The following AGRN variants were observed in gnomAD, a reference collection of about 807,000 sequenced individuals.
AGRN encodes the protein agrin proteoglycan.
A neutral mutation model predicts 211.0 loss-of-function variants in AGRN; 106 were observed. The observed-to-expected ratio is 0.50, with a 90% CI of 0.43 to 0.59. The LOEUF is 0.59. AGRN is among the 20% of genes least tolerant of loss of function. AGRN has a pLI of 0.00. For synonymous variants in AGRN, 1,525 were observed against 1,332.5 expected (o/e 1.14, Z -3.15); for missense variants, 3,040 against 2,982.6 (o/e 1.02, Z -0.45).
Position 1,046,403 on chromosome 1 carries a change from T to C in AGRN, c.2918T>C (p.Val973Ala), listed in dbSNP as rs766363215. The C allele has an allele frequency of 6.2e-7, 1 of 1,611,720 alleles. No individual in the cohort carries two copies. Among genetic ancestry groups the C allele is most frequent in the Non-Finnish European group, 8.5e-7 (1 of 1,179,566 alleles). Residue 973 changes from valine to alanine, a missense_variant, in exon 18 of 36, where the codon GTT (valine) becomes GCT (alanine). Transcript: ENST00000379370. ...IQSLGPCQEA[V>A]APSTHPTSAS... is the part of the protein sequence containing the mutation. ...AACCTCCCTCTCCTTGCAGAGGCTG[T>C]TGCTCCCAGCACTCACCCGACATCT...
chr1:1,037,230 T>G (rs1351041164), intron 3 of AGRN, among the ~76,000 whole-genome samples: 1 of 152,152 alleles, frequency 6.6e-6, no homozygotes, highest in Admixed American at 6.5e-5. Flanking sequence ...CCAACTGGAT[T>G]TAAAGAGGTG....
chr1:1,042,825 C>G (rs1644982045), intron 7 of AGRN, among the ~76,000 whole-genome samples: 1 of 151,998 alleles, frequency 6.6e-6, no homozygotes, highest in Non-Finnish European at 1.5e-5. Flanking sequence ...GGACAGACAC[C>G]TCCTCCCCCG....
chr1:1,040,796 T>G lies in AGRN; in HGVS notation c.643T>G (p.Ser215Ala), dbSNP rs764152471. 185 of 1,537,420 alleles carry G rather than the reference T, an allele frequency of 1.2e-4. No homozygotes were observed. The highest frequency in any genetic ancestry group is 1.4e-4 in the Non-Finnish European group (159 of 1,147,292). ...VVAPVCGSDASTYSNECELQR... is the reference protein window; with the variant it reads ...VVAPVCGSDAATYSNECELQR... ...GGCGCCTGTGTGTGGGTCGGACGCC[T>G]CCACCTACAGCAACGAATGCGAGCT... Residue 215 changes from serine (S) to alanine (A), a missense_variant, in exon 4 of 36, where the codon TCC (serine) becomes GCC (alanine). Coordinates refer to ENST00000379370, the MANE Select transcript of AGRN (RefSeq NM_198576.4).
In AGRN at chr1:1,043,223, C is replaced by A; in HGVS notation, c.1385-16C>A. 7.6e-6 allele frequency: 12 copies of A among 1,588,506 alleles called. No homozygotes were observed. Among genetic ancestry groups the A allele is most frequent in the Non-Finnish European group, 1.0e-5 (12 of 1,169,354 alleles). ...GGGGGGCTTGTGGGACCACTGAGCC[C>A]CTGTGTCCTTCCCAGACCAGGCCCC... On this transcript the variant is annotated splice_polypyrimidine_tract_variant and intron_variant, in intron 7 of 35. Coordinates refer to ENST00000379370, the MANE Select transcript of AGRN (RefSeq NM_198576.4).
intron 33 of AGRN, chr1:1,052,201 C>T: frequency 1.5e-6 from 1 of 663,028 alleles, no homozygotes; most frequent in Non-Finnish European, 2.3e-6. Context: ...TCCCAGGGCA[C>T]AGGCCGAGGG....
intron 3 of AGRN, among the ~76,000 whole-genome samples, chr1:1,035,849 A>G (rs1644792252): frequency 7.0e-6 from 1 of 143,396 alleles, no homozygotes; most frequent in Admixed American, 6.9e-5. Context: ...GGGGGACACA[A>G]GTGATGGAGG....
Position 1,049,285 on chromosome 1 carries a change from G to C in AGRN, c.4348G>C (p.Glu1450Gln). The C allele has an allele frequency of 6.3e-7, 1 of 1,596,602 alleles. No homozygotes were observed. Among genetic ancestry groups the C allele is most frequent in the Non-Finnish European group, 8.5e-7 (1 of 1,178,418 alleles). The change falls in exon 25 of 36, where the codon GAG becomes CAG. Residue 1450 changes from glutamate to glutamine, a missense_variant. By Grantham distance (29) the Glu-to-Gln change is conservative. Around this residue, in one of 3 missense-constraint regions of AGRN, gnomAD observed 1,537 missense variants for 1,505.0 expected, o/e 1.02. Coordinates refer to ENST00000379370, the MANE Select transcript of AGRN (RefSeq NM_198576.4). ...GGTGCTGACCAGTGCCGTGCCGGTA[G>C]AGCCGGGCCAGTGGCACCGCCTGGA... ...PAVLTSAVPV[E>Q]PGQWHRLELS...
chr1:1,022,081 C>A, intron 1 of AGRN, 120 bp from the exon 2 acceptor site: 1 of 1,324,542 alleles, frequency 7.5e-7, no homozygotes, highest in South Asian at 1.2e-5. Flanking sequence ...CAGAGGTCTC[C>A]CCACATCTCT....
chr1:1,042,091 G>A lies in AGRN; in HGVS notation c.1313G>A (p.Ser438Asn). ...GCCCAGGACGGGCGCACGTATGACA[G>A]TGATTGCTGGCGGCAGCAGGCTGAG... is the stretch of plus-strand genomic sequence containing the variant. ...VCAQDGRTYDSDCWRQQAECR... is the reference protein window; with the variant it reads ...VCAQDGRTYDNDCWRQQAECR... The change falls in exon 7 of 36, where the codon AGT becomes AAT. Residue 438 changes from serine to asparagine, a missense_variant. By Grantham distance (46) the Ser-to-Asn change is conservative. This residue lies in a region of AGRN where 1,498 missense variants were observed against 1,457.8 expected (regional missense o/e 1.03). Coordinates refer to ENST00000379370, the MANE Select transcript of AGRN (RefSeq NM_198576.4). 2.5e-6 allele frequency: 4 copies of A among 1,604,316 alleles called. No individual in the cohort carries two copies. The highest frequency in any genetic ancestry group is 3.4e-6 in the Non-Finnish European group (4 of 1,178,866).
chr1:1,052,454 G>C (rs1229010954), intron 33 of AGRN: 3 of 292,308 alleles, frequency 1.0e-5, no homozygotes, highest in African/African-American at 6.6e-5. Flanking sequence ...CTATGCGGCC[G>C]TGTGTGTGCA....
In AGRN at chr1:1,051,571, C is replaced by T; in HGVS notation, c.5489C>T (p.Ala1830Val). 2 of 1,592,400 alleles carry T rather than the reference C, an allele frequency of 1.3e-6. No individual in the cohort carries two copies. The highest frequency in any genetic ancestry group is 1.7e-6 in the Non-Finnish European group (2 of 1,168,468). ...RASGHPCLNG[A>V]SCVPREAAYV... ...TCAGGCCACCCCTGCCTCAATGGGGCCTCCTGCGTCCCGAGGGAGGCTGCC... is the reference window on the plus strand; with the variant it reads ...TCAGGCCACCCCTGCCTCAATGGGGTCTCCTGCGTCCCGAGGGAGGCTGCC... The change falls in exon 32 of 36, where the codon GCC (alanine) becomes GTC (valine). Residue 1830 changes from alanine to valine, a missense_variant. Transcript: ENST00000379370.
intron 2 of AGRN, among the ~76,000 whole-genome samples, chr1:1,026,394 G>A (rs920649048): frequency 6.6e-5 from 10 of 152,182 alleles, no homozygotes; most frequent in African/African-American, 9.7e-5. Flanking sequence ...TGCAGAAGGC[G>A]GGATGGGGCT....
rs1303940160 is a variant in AGRN, at chr1:1,046,247, A to C, written c.2893A>C (p.Ser965Arg). ...CRQGLQISIQSLGPCQEAVAP... is the reference protein window; with the variant it reads ...CRQGLQISIQRLGPCQEAVAP... ...CCAGGGCCTGCAAATCTCTATCCAG[A>C]GCCTGGGCCCGTGCCAGGGTGAGGC... is the stretch of plus-strand genomic sequence containing the variant. Residue 965 changes from serine (S) to arginine (R), a missense_variant, in exon 17 of 36, where the codon AGC (serine) becomes CGC (arginine). By Grantham distance (110) the Ser-to-Arg change is moderately radical. Coordinates refer to ENST00000379370, the MANE Select transcript of AGRN (RefSeq NM_198576.4). The C allele has an allele frequency of 1.9e-6, 3 of 1,613,442 alleles. No homozygotes were observed. The highest frequency in any genetic ancestry group is 2.2e-5 in the South Asian group (2 of 91,086).
In AGRN at chr1:1,047,762, T is replaced by G; in HGVS notation, c.3632-14T>G. The G allele has an allele frequency of 6.2e-7, 1 of 1,609,058 alleles. No homozygotes were observed. Among genetic ancestry groups the G allele is most frequent in the Non-Finnish European group, 8.5e-7 (1 of 1,178,390 alleles). On this transcript the variant is annotated splice_polypyrimidine_tract_variant and intron_variant, in intron 21 of 35. Transcript: ENST00000379370. ...CCTGGGGCTCTGCCATGCTCAGAGC[T>G]CCCTCCTCCCCAGCCACAGCCTTCA...
chr1:1,046,978 G>C, intron 19 of AGRN, 21 bp downstream of exon 19: 1 of 1,567,324 alleles, frequency 6.4e-7, no homozygotes, highest in Non-Finnish European at 8.6e-7. Context: ...GGCTGGGCGA[G>C]GGGAGTGTGA....
intron 3 of AGRN, among the ~76,000 whole-genome samples, 155 bp from the exon 4 acceptor site, chr1:1,040,510 G>A (rs1010986788): frequency 6.6e-6 from 1 of 152,134 alleles, no homozygotes; most frequent in African/African-American, 2.4e-5. Context: ...CCGGTCCTGT[G>A]AGCGCACGCA....
chr1:1,051,514 C>A lies in AGRN; in HGVS notation c.5432C>A (p.Thr1811Lys), dbSNP rs748925084. The A allele has an allele frequency of 8.9e-6, 14 of 1,567,280 alleles. No individual in the cohort carries two copies. Among genetic ancestry groups the A allele is most frequent in the Non-Finnish European group, 1.2e-5 (14 of 1,158,718 alleles). ...CACGTGCTGCGGCAGGTGGACGTCA[C>A]GTCCTTTGCAGGTCACCCCTGCACC... ...PEHVLRQVDV[T>K]SFAGHPCTRA... The change falls in exon 32 of 36, where the codon ACG becomes AAG. Residue 1811 changes from threonine to lysine, a missense_variant. Around this residue, in one of 3 missense-constraint regions of AGRN, gnomAD observed 1,537 missense variants for 1,505.0 expected, o/e 1.02. Transcript: ENST00000379370.
rs746943998 is a variant in AGRN, at chr1:1,048,184, T to G, written c.3924T>G (p.Arg1308=). ...AGACCACGGCAGCCCCCACCACACG[T>G]CGGCCCCCCACCACTGCCCCCAGCC... ...VAKTTAAPTT[R]RPPTTAPSRV... is the part of the protein sequence containing the mutation. The change falls in exon 23 of 36, where the codon CGT becomes CGG. Residue 1308 remains arginine, a synonymous_variant. Transcript: ENST00000379370. This position sits in a 1 kb window ranked among gnomAD's most constrained non-coding sequence, Gnocchi z 5.9. The G allele has an allele frequency of 6.4e-7, 1 of 1,570,076 alleles. No individual in the cohort carries two copies. Among genetic ancestry groups the G allele is most frequent in the South Asian group, 1.2e-5 (1 of 86,448 alleles).
At position 1,045,158 on chromosome 1, in the gene AGRN, C is replaced by T. The variant is rs199892129; in HGVS notation, c.2255-3C>T. On this transcript the variant is annotated splice_region_variant and splice_polypyrimidine_tract_variant and intron_variant, in intron 12 of 35. Transcript: ENST00000379370. ...AATCTGAGTCCCGTACCCTTTCCTG[C>T]AGGCCCCACCTTCGCCCCGCTGCCG... The T allele has an allele frequency of 3.0e-5, 49 of 1,611,760 alleles. No homozygotes were observed. Among genetic ancestry groups the T allele is most frequent in the Non-Finnish European group, 3.0e-5 (35 of 1,179,804 alleles).
Sources: gnomAD v4.1 joint callset for allele counts (sites outside exome capture counted in the v4.1 genomes callset) on GRCh38, gnomAD v4.1.1 for gene constraint, gnomAD v4.1.1 regional missense constraint, Gnocchi (gnomAD v3.1) non-coding constraint, MANE v1.5 for transcripts, NCBI Gene and HGNC (gene_info 2026-07-23, HGNC 2026-07-21) for gene names.